Variants in DIAPH2 observed in about 807,000 individuals in gnomAD.
The protein encoded by DIAPH2 is protein diaphanous homolog 2.
A neutral mutation model predicts 92.7 loss-of-function variants in DIAPH2; 35 were observed. The observed-to-expected ratio is 0.38, with a 90% confidence interval of 0.29 to 0.50. The LOEUF (loss-of-function observed/expected upper bound fraction) is 0.50, where lower values mean the gene tolerates loss of function less well. DIAPH2 is among the 20% of genes least tolerant of loss of function. The pLI, the probability that DIAPH2 is intolerant of heterozygous loss-of-function variation, is 0.94. For synonymous variants in DIAPH2, 301 were observed against 280.4 expected (o/e 1.07, Z -0.73); for missense variants, 701 against 819.5 (o/e 0.86, Z 1.77).
chrX:97,038,700 C>G (rs913927047), intron 17 of DIAPH2, among the ~76,000 whole-genome samples: 1 of 110,081 alleles, frequency 9.1e-6, no homozygotes, highest in African/African-American at 3.3e-5. Flanking sequence ...TTTCATTTTC[C>G]TAATGATTAG....
chrX:97,556,774 G>A (rs1048228800), intron 26 of DIAPH2, among the ~76,000 whole-genome samples: 6 of 112,003 alleles, frequency 5.4e-5, no homozygotes, highest in African/African-American at 1.6e-4. Flanking sequence ...TACCTTTTTT[G>A]TACCAAATAC....
chrX:96,752,450 C>T (rs1002557667), intron 3 of DIAPH2, among the ~76,000 whole-genome samples: 5 of 112,216 alleles, frequency 4.5e-5, no homozygotes, highest in Non-Finnish European at 9.4e-5. Context: ...AAGTAAGTTC[C>T]TATTTTCAGC....
intron 7 of DIAPH2, among the ~76,000 whole-genome samples, chrX:96,912,774 C>T (rs899093368): frequency 9.0e-6 from 1 of 110,568 alleles, no homozygotes; most frequent in African/African-American, 3.3e-5. Context: ...ATCTTCCCCA[C>T]CCCGTACCTA....
chrX:96,785,475 C>CTTTTTTTT (rs1157552270), intron 4 of DIAPH2, among the ~76,000 whole-genome samples: 1,159 of 57,090 alleles, frequency 0.02, 40 homozygotes, highest in East Asian at 0.053. Context: ...CCAAACTTGC[C>CTTTTTTTT]TTTTTTTTTT....
At chrX:97,435,126 G>T (rs1213597680) in intron 26 of DIAPH2, among the ~76,000 whole-genome samples, 1 of 111,528 alleles carries the variant, frequency 9.0e-6, no homozygotes, top group East Asian at 2.8e-4. Context: ...ATAAAAAAGG[G>T]TAAAAAACCG....
At chrX:97,337,249 G>A (rs916013560) in intron 23 of DIAPH2, among the ~76,000 whole-genome samples, 7 of 110,224 alleles carry the variant, frequency 6.4e-5, no homozygotes, top group African/African-American at 2.0e-4. Flanking sequence ...GATATACTTC[G>A]GATAGTACAA....
intron 24 of DIAPH2, among the ~76,000 whole-genome samples, chrX:97,359,347 T>G (rs758376753): frequency 3.6e-5 from 4 of 110,793 alleles, no homozygotes; most frequent in Non-Finnish European, 5.7e-5. Flanking sequence ...TGCAAATTGT[T>G]AATAATATAA....
chrX:96,906,866 T>C (rs2065437315), intron 5 of DIAPH2, among the ~76,000 whole-genome samples: 1 of 112,217 alleles, frequency 8.9e-6, no homozygotes, highest in South Asian at 3.7e-4. Context: ...TGGAAGATGC[T>C]GTCTCACTGT....
chrX:97,155,935 T>C (rs1215881828), intron 22 of DIAPH2, among the ~76,000 whole-genome samples: 1 of 112,163 alleles, frequency 8.9e-6, no homozygotes, highest in Non-Finnish European at 1.9e-5. Context: ...TTTCAGGAAG[T>C]GGATAGAGTT....
intron 4 of DIAPH2, among the ~76,000 whole-genome samples, chrX:96,875,959 C>T (rs2065175647): frequency 1.8e-5 from 2 of 111,127 alleles, no homozygotes; most frequent in Non-Finnish European, 3.8e-5. Context: ...AAGAAACTAC[C>T]ATCAGAGTGA....
intron 17 of DIAPH2, among the ~76,000 whole-genome samples, chrX:96,978,227 A>G (rs149432817): frequency 9.1e-4 from 102 of 111,851 alleles, no homozygotes; most frequent in African/African-American, 3.1e-3. Flanking sequence ...TATACAGGTA[A>G]TCTTCCATTT....
At chrX:97,351,237 A>C (rs2069209386) in intron 24 of DIAPH2, among the ~76,000 whole-genome samples, 1 of 112,265 alleles carries the variant, frequency 8.9e-6, no homozygotes, top group African/African-American at 3.2e-5. Flanking sequence ...CCTCACTACT[A>C]TCTGAAAAGA....
At chrX:97,242,808 G>T (rs113673871) in intron 22 of DIAPH2, among the ~76,000 whole-genome samples, 143 of 108,268 alleles carry the variant, frequency 1.3e-3, no homozygotes, top group Admixed American at 3.2e-3. Flanking sequence ...TTTTTTTGAG[G>T]TGGAGTCTTG....
intron 23 of DIAPH2, among the ~76,000 whole-genome samples, chrX:97,257,457 A>G (rs1039093957): frequency 9.0e-6 from 1 of 111,408 alleles, no homozygotes; most frequent in African/African-American, 3.3e-5. Flanking sequence ...ACGGTAACAA[A>G]CCCTCTTTAT....
chrX:97,365,764 G>A (rs1350981199), intron 24 of DIAPH2, among the ~76,000 whole-genome samples: 1 of 105,945 alleles, frequency 9.4e-6, no homozygotes, highest in Non-Finnish European at 1.9e-5. Context: ...GGGGTACAGT[G>A]GTACAATCTC....
chrX:97,307,336 A>T (rs1273716423), intron 23 of DIAPH2, among the ~76,000 whole-genome samples: 2 of 111,895 alleles, frequency 1.8e-5, no homozygotes, highest in African/African-American at 3.2e-5. Flanking sequence ...TCATTTGGCA[A>T]ACCAGTTGTA....
intron 23 of DIAPH2, among the ~76,000 whole-genome samples, chrX:97,327,066 G>T (rs188254069): frequency 7.1e-5 from 8 of 112,225 alleles, no homozygotes; most frequent in African/African-American, 2.3e-4. Context: ...TATTTTTATG[G>T]ACAAGTATCT....
intron 4 of DIAPH2, among the ~76,000 whole-genome samples, chrX:96,767,276 C>T (rs889671166): frequency 2.7e-5 from 3 of 110,725 alleles, no homozygotes; most frequent in Non-Finnish European, 5.7e-5. Flanking sequence ...TGTATATCCA[C>T]GATACAGACT....
At chrX:96,910,121 G>A (rs1038628085) in intron 5 of DIAPH2, among the ~76,000 whole-genome samples, 1 of 110,659 alleles carries the variant, frequency 9.0e-6, no homozygotes, top group Non-Finnish European at 1.9e-5. Flanking sequence ...AGTGATATCT[G>A]CTGATTTTTC....
Sources: allele counts gnomAD v4.1 joint callset (sites outside exome capture counted in the v4.1 genomes callset), GRCh38; gene constraint gnomAD v4.1.1; transcripts MANE v1.5; gene names NCBI Gene and HGNC (gene_info 2026-07-23, HGNC 2026-07-21).